Variants in PLD5 observed in about 807,000 individuals in gnomAD.
The protein encoded by PLD5 is phospholipase D family member 5.
PLD5 carries 36 observed loss-of-function variants against 61.1 expected under a neutral mutation model. The ratio of observed to expected loss-of-function variants is 0.59; its 90% CI spans 0.45 to 0.78. The LOEUF (loss-of-function observed/expected upper bound fraction) is 0.78. PLD5 is among the 30% of genes least tolerant of loss of function. The pLI is 0.00. For synonymous variants in PLD5, 243 were observed against 242.8 expected (o/e 1.00, Z -0.01); for missense variants, 515 against 644.4 (o/e 0.80, Z 2.17).
chr1:242,190,727 AAAAC>A (rs1297970771), intron 5 of PLD5, among the ~76,000 whole-genome samples: 19 of 151,496 alleles, frequency 1.3e-4, no homozygotes, highest in African/African-American at 2.2e-4. Context: ...TAAAAAAATT[AAAAC>A]AAACAAACAA....
intron 2 of PLD5, among the ~76,000 whole-genome samples, chr1:242,295,597 A>T (rs1218562788): frequency 2.0e-5 from 3 of 152,208 alleles, no homozygotes; most frequent in Non-Finnish European, 2.9e-5. Context: ...GTGGTGAGAT[A>T]AACATACAAG....
chr1:242,502,050 T>C (rs902413544), intron 1 of PLD5, among the ~76,000 whole-genome samples: 10 of 152,086 alleles, frequency 6.6e-5, no homozygotes, highest in African/African-American at 2.4e-4. Flanking sequence ...TTGTTAATCT[T>C]ATCTACTCTT....
chr1:242,217,119 A>G (rs1323212881), intron 5 of PLD5, among the ~76,000 whole-genome samples: 1 of 152,246 alleles, frequency 6.6e-6, no homozygotes, highest in East Asian at 1.9e-4. Flanking sequence ...GTCACCCAAT[A>G]GCTCTGACGA....
intron 3 of PLD5, among the ~76,000 whole-genome samples, chr1:242,268,219 C>A (rs1355351986): frequency 2.6e-5 from 4 of 152,106 alleles, no homozygotes; most frequent in Non-Finnish European, 2.9e-5. Context: ...GTGTGCATGG[C>A]CCAGATTTCC....
chr1:242,127,868 G>A (rs1459304526), intron 5 of PLD5, among the ~76,000 whole-genome samples: 4 of 152,132 alleles, frequency 2.6e-5, no homozygotes, highest in Non-Finnish European at 5.9e-5. Context: ...AGGCCTCCAC[G>A]AAAGCAGATA....
chr1:242,097,683 C>T (rs1660357693), intron 9 of PLD5, among the ~76,000 whole-genome samples: 1 of 152,054 alleles, frequency 6.6e-6, no homozygotes, highest in South Asian at 2.1e-4. Context: ...AAATTTTCTC[C>T]CATTCTGTAG....
intron 4 of PLD5, among the ~76,000 whole-genome samples, chr1:242,253,092 G>A (rs1377085073): frequency 2.0e-5 from 3 of 148,572 alleles, no homozygotes; most frequent in Middle Eastern, 3.6e-3. Flanking sequence ...TGGGATTACA[G>A]GCGTGAGCCA....
upstream of PLD5, among the ~76,000 whole-genome samples, chr1:242,526,285 C>T (rs1177768041): frequency 6.6e-6 from 1 of 152,094 alleles, no homozygotes; most frequent in Non-Finnish European, 1.5e-5. Context: ...ACCTGGGAGG[C>T]TGAGGCGGGA....
chr1:242,216,647 G>C (rs1236109282), intron 5 of PLD5, among the ~76,000 whole-genome samples: 1 of 152,182 alleles, frequency 6.6e-6, no homozygotes, highest in Non-Finnish European at 1.5e-5. Flanking sequence ...TCAGGGCCAC[G>C]ACTCTTTACA....
chr1:242,345,194 A>G (rs1370220188), intron 2 of PLD5, among the ~76,000 whole-genome samples: 2 of 152,196 alleles, frequency 1.3e-5, no homozygotes, highest in Admixed American at 6.6e-5. Flanking sequence ...CAATCGTCTC[A>G]TGACTCTACT....
intron 4 of PLD5, among the ~76,000 whole-genome samples, chr1:242,225,320 C>T (rs1043031871): frequency 6.7e-6 from 1 of 148,952 alleles, no homozygotes; most frequent in African/African-American, 2.5e-5. Flanking sequence ...TGCATGCTGT[C>T]GTGTGGAACA....
intron 1 of PLD5, among the ~76,000 whole-genome samples, chr1:242,419,129 A>G (rs1228587238): frequency 6.6e-6 from 1 of 152,188 alleles, no homozygotes; most frequent in Non-Finnish European, 1.5e-5. Context: ...ATCTGTAACC[A>G]AAGAGGGTGG....
At chr1:242,348,714 G>T (rs1660280614) in intron 1 of PLD5, among the ~76,000 whole-genome samples, 1 of 152,166 alleles carries the variant, frequency 6.6e-6, no homozygotes, top group Non-Finnish European at 1.5e-5. Flanking sequence ...TGTGCCCAAG[G>T]TGGTTGGGCC....
chr1:242,311,641 T>C (rs2488181), intron 2 of PLD5, among the ~76,000 whole-genome samples: 1 of 152,386 alleles, frequency 6.6e-6, no homozygotes, highest in African/African-American at 2.4e-5. Context: ...GCTACTTTAC[T>C]GCTTTCAAGA....
chr1:242,306,050 G>A (rs1311252586), intron 2 of PLD5, among the ~76,000 whole-genome samples: 1 of 152,052 alleles, frequency 6.6e-6, no homozygotes, highest in Non-Finnish European at 1.5e-5. Flanking sequence ...TACCCACAAA[G>A]GCTGGACTCT....
intron 2 of PLD5, among the ~76,000 whole-genome samples, chr1:242,297,319 G>C (rs920788573): frequency 1.7e-5 from 2 of 120,386 alleles, no homozygotes; most frequent in Non-Finnish European, 3.2e-5. Context: ...ACTCCAGCCC[G>C]GGTGACAGAG....
chr1:242,407,278 AC>A (rs772708698), intron 1 of PLD5, among the ~76,000 whole-genome samples: 2,002 of 126,662 alleles, frequency 0.016, 16 homozygotes, highest in Middle Eastern at 0.03. Context: ...ACCACGTGGA[AC>A]TGTGAGTCCA....
rs112704103 is a variant in PLD5, at chr1:242,413,309, C to CT, written c.190-65068dup. ...CTAACCCTTTGTCGTCATGATCTCT[C>CT]TTTTTTTTTTTTCTACCCAGCAACT... is the stretch of plus-strand genomic sequence containing the variant. On this transcript the variant is annotated intron_variant, in intron 1 of 9. Coordinates refer to ENST00000536534, the MANE Select transcript of PLD5 (RefSeq NM_001372062.1). Among the ~76,000 whole-genome samples the CT allele has an allele frequency of 6.5e-3, 943 of 145,520 alleles. 7 individuals are homozygous for CT. Among genetic ancestry groups the CT allele is most frequent in the African/African-American group, 0.013 (517 of 40,018 alleles).
intron 8 of PLD5, among the ~76,000 whole-genome samples, chr1:242,102,330 C>CA (rs1049683812): frequency 6.6e-6 from 1 of 152,168 alleles, no homozygotes; most frequent in African/African-American, 2.4e-5. Context: ...TCTAGAAAGT[C>CA]AAAGACGGCC....
Sources: allele counts gnomAD v4.1 joint callset (sites outside exome capture counted in the v4.1 genomes callset), GRCh38; gene constraint gnomAD v4.1.1; transcripts MANE v1.5; gene names NCBI Gene and HGNC (gene_info 2026-07-23, HGNC 2026-07-21).